The following CTNNA3 variants were observed in gnomAD, a reference collection of about 807,000 sequenced individuals.
The protein encoded by CTNNA3 is catenin alpha-3.
In CTNNA3, 76 loss-of-function variants were observed where a neutral mutation model predicts 95.7. The ratio of observed to expected loss-of-function variants is 0.79; its 90% CI spans 0.66 to 0.96. The LOEUF (loss-of-function observed/expected upper bound fraction) is 0.96. Among genes scored for constraint, CTNNA3 ranks in the 40% least tolerant of loss-of-function variants. CTNNA3 has a pLI of 0.00. For synonymous variants in CTNNA3, 431 were observed against 374.4 expected (o/e 1.15, Z -1.74); for missense variants, 1,191 against 1,089.8 (o/e 1.09, Z -1.31).
chr10:66,473,155 G>A lies in CTNNA3; in HGVS notation c.1531+47462C>T, dbSNP rs192314511. 1.2e-3 allele frequency among the ~76,000 whole-genome samples: 177 copies of A among 151,928 alleles called. 1 individual carries two copies. Among genetic ancestry groups the A allele is most frequent in the African/African-American group, 4.2e-3 (174 of 41,478 alleles). On this transcript the variant is annotated intron_variant, in intron 11 of 17. Transcript: ENST00000433211. ...CTTTATACATTTATCATTTCTTTGT[G>A]GTGAGAACATTTTATATGCTTAGGC...
At chr10:67,200,430 C>T (rs1863594263) in intron 6 of CTNNA3, among the ~76,000 whole-genome samples, 2 of 152,102 alleles carry the variant, frequency 1.3e-5, no homozygotes, top group South Asian at 4.2e-4. Flanking sequence ...GCATAAAATT[C>T]CTATAGAACC....
chr10:67,074,818 TTATG>T lies in CTNNA3; in HGVS notation c.1047+105495_1047+105498del, dbSNP rs140973701. On this transcript the variant is annotated intron_variant, in intron 7 of 17. Coordinates refer to ENST00000433211, the MANE Select transcript of CTNNA3 (RefSeq NM_013266.4). ...ATATTATGAACATAACATAATTTATTTATGTATGTATGTATATTATGAATTATAA... is the reference window on the plus strand; with the variant it reads ...ATATTATGAACATAACATAATTTATTTATGTATGTATATTATGAATTATAA... Among the ~76,000 whole-genome samples the T allele has an allele frequency of 5.9e-5, 9 of 152,036 alleles. No homozygotes were observed. The South Asian group carries it at 1.0e-3, about 18-fold the overall frequency.
At chr10:66,578,953 T>A (rs564308786) in intron 10 of CTNNA3, among the ~76,000 whole-genome samples, 3 of 150,040 alleles carry the variant, frequency 2.0e-5, no homozygotes, top group African/African-American at 7.3e-5. Flanking sequence ...CAGCTGTGAA[T>A]CCATCTGCTC....
At chr10:66,143,993 C>A (rs2083746582) in intron 13 of CTNNA3, among the ~76,000 whole-genome samples, 1 of 152,168 alleles carries the variant, frequency 6.6e-6, no homozygotes. Context: ...AATGATTGTA[C>A]TGTTTTCCCC....
intron 9 of CTNNA3, among the ~76,000 whole-genome samples, chr10:66,743,096 T>C (rs7094812): frequency 0.51 from 76,930 of 151,932 alleles, 19,759 homozygotes; most frequent in African/African-American, 0.59. Context: ...AAACCGAGAA[T>C]GCATTTACCT....
intron 10 of CTNNA3, among the ~76,000 whole-genome samples, chr10:66,610,751 T>A (rs1296351092): frequency 6.6e-6 from 1 of 152,108 alleles, no homozygotes; most frequent in African/African-American, 2.4e-5. Flanking sequence ...AGAAGTACCA[T>A]ATGATCCAGC....
chr10:66,103,048 G>C, intron 14 of CTNNA3, 109 bp downstream of exon 14: 1 of 819,712 alleles, frequency 1.2e-6, no homozygotes, highest in East Asian at 2.4e-5. Context: ...CACAGAACTA[G>C]CTCCAGATCC....
At chr10:66,597,418 T>C (rs1230886933) in intron 10 of CTNNA3, among the ~76,000 whole-genome samples, 2 of 149,700 alleles carry the variant, frequency 1.3e-5, no homozygotes, top group African/African-American at 2.5e-5. Context: ...CACCCATGTC[T>C]GTAATCTCAG....
chr10:66,038,253 T>C (rs1333401143), intron 15 of CTNNA3, among the ~76,000 whole-genome samples: 1 of 152,228 alleles, frequency 6.6e-6, no homozygotes, highest in African/African-American at 2.4e-5. Flanking sequence ...CTTTCTTACT[T>C]GAAGTGTGTT....
intron 10 of CTNNA3, among the ~76,000 whole-genome samples, chr10:66,525,211 G>GA (rs77967389): frequency 0.63 from 94,695 of 150,302 alleles, 30,401 homozygotes; most frequent in Middle Eastern, 0.76. Context: ...TCAGATAAAA[G>GA]AAAAAAAAAG....
intron 7 of CTNNA3, among the ~76,000 whole-genome samples, chr10:67,039,837 T>C (rs1000287088): frequency 6.6e-6 from 1 of 152,282 alleles, no homozygotes; most frequent in South Asian, 2.1e-4. Context: ...TGCTATGTTA[T>C]ATAATAATCT....
intron 7 of CTNNA3, among the ~76,000 whole-genome samples, chr10:66,823,018 A>C (rs544867393): frequency 6.6e-6 from 1 of 152,210 alleles, no homozygotes; most frequent in African/African-American, 2.4e-5. Context: ...AGACAACTAC[A>C]ATTACCACCC....
chr10:67,556,749 T>C (rs1841272959), intron 3 of CTNNA3, among the ~76,000 whole-genome samples: 1 of 152,238 alleles, frequency 6.6e-6, no homozygotes, highest in Admixed American at 6.5e-5. Context: ...TGTGTCTCTA[T>C]CTCCTTCAGT....
chr10:67,089,367 A>G (rs1857493266), intron 7 of CTNNA3, among the ~76,000 whole-genome samples: 1 of 152,156 alleles, frequency 6.6e-6, no homozygotes, highest in Non-Finnish European at 1.5e-5. Flanking sequence ...GCTTCTTGAA[A>G]GTGCTTTCTT....
At chr10:66,279,497 A>G (rs1234022612) in intron 13 of CTNNA3, among the ~76,000 whole-genome samples, 1 of 151,952 alleles carries the variant, frequency 6.6e-6, no homozygotes, top group Non-Finnish European at 1.5e-5. Flanking sequence ...TTCAGGTGAC[A>G]CCTCTGAGGG....
chr10:67,010,681 C>T (rs925894317), intron 7 of CTNNA3, among the ~76,000 whole-genome samples: 1 of 152,256 alleles, frequency 6.6e-6, no homozygotes, highest in Non-Finnish European at 1.5e-5. Context: ...TTTTCCAATG[C>T]TTTTGTATAG....
intron 2 of CTNNA3, among the ~76,000 whole-genome samples, chr10:67,612,738 A>T (rs1354560856): frequency 6.6e-6 from 1 of 152,054 alleles, no homozygotes; most frequent in Non-Finnish European, 1.5e-5. Context: ...AGTGGCTAAC[A>T]CCTCTAACCT....
intron 5 of CTNNA3, among the ~76,000 whole-genome samples, chr10:67,228,275 G>T (rs2132289160): frequency 6.6e-6 from 1 of 152,266 alleles, no homozygotes; most frequent in East Asian, 1.9e-4. Flanking sequence ...TGGTTAGCAA[G>T]ACTAACCAAG....
chr10:67,591,050 A>G (rs1442965882), intron 3 of CTNNA3, among the ~76,000 whole-genome samples: 1 of 152,124 alleles, frequency 6.6e-6, no homozygotes, highest in Non-Finnish European at 1.5e-5. Context: ...TCCTAAGTCT[A>G]CCTGGAGTTG....
Sources: gnomAD v4.1 joint callset for allele counts (sites outside exome capture counted in the v4.1 genomes callset) on GRCh38, gnomAD v4.1.1 for gene constraint, MANE v1.5 for transcripts, NCBI Gene and HGNC (gene_info 2026-07-23, HGNC 2026-07-21) for gene names.